The following DZIP1L variants were observed in gnomAD, a reference collection of about 807,000 sequenced individuals.
DZIP1L encodes DAZ interacting zinc finger protein 1 like, also known as cilium assembly protein DZIP1L.
DZIP1L carries 90 observed loss-of-function variants against 88.7 expected under a neutral mutation model. The observed-to-expected ratio is 1.02, with a 90% CI of 0.86 to 1.21. The LOEUF is 1.21. DZIP1L is among the 50% of genes most tolerant of loss of function. The probability of loss-of-function intolerance (pLI) is 0.00; values close to 1 mark genes in which losing one functional copy is unlikely to be tolerated. For synonymous variants in DZIP1L, 363 were observed against 372.1 expected, an observed-to-expected ratio of 0.98 and a Z score of 0.28; for missense variants, 932 against 955.8, an observed-to-expected ratio of 0.98 and a Z score of 0.33.
chr3:138,064,504 A>G (rs935430888), intron 15 of DZIP1L, 124 bp downstream of exon 15: 3 of 1,612,264 alleles, frequency 1.9e-6, no homozygotes, highest in Admixed American at 3.3e-5. Flanking sequence ...GTCACCCACA[A>G]TGTCCCACTA....
At chr3:138,100,253 C>T (rs1220198946) in intron 2 of DZIP1L, among the ~76,000 whole-genome samples, 1 of 152,132 alleles carries the variant, frequency 6.6e-6, no homozygotes, top group Non-Finnish European at 1.5e-5. Flanking sequence ...TTATAAAACC[C>T]CTAAATGATG....
At chr3:138,102,749 C>T (rs2042360100) in intron 2 of DZIP1L, 1 of 784,494 alleles carries the variant, frequency 1.3e-6, no homozygotes, top group Non-Finnish European at 2.3e-6. Flanking sequence ...ATGCCACTGG[C>T]CCCACCATAG....
Position 138,079,635 on chromosome 3 carries a change from C to T in DZIP1L, c.1288+932G>A, listed in dbSNP as rs186581248. 2.8e-4 allele frequency among the ~76,000 whole-genome samples: 43 copies of T among 152,312 alleles called. 1 individual carries two copies. The highest frequency in any genetic ancestry group is 2.5e-3 in the Admixed American group (39 of 15,306). ...GGAACGATAAATGAGAAACCATTAA[C>T]AGTGAAACTTCTGGAGAGGAAACTG... On this transcript the variant is annotated intron_variant, in intron 10 of 15. Transcript: ENST00000327532.
chr3:138,080,391 T>C, intron 10 of DZIP1L, 176 bp downstream of exon 10: 1 of 582,888 alleles, frequency 1.7e-6, no homozygotes, highest in Non-Finnish European at 3.0e-6. Context: ...TGTTAGTACC[T>C]GCATGTCACA....
chr3:138,074,810 T>C (rs1943330902), intron 11 of DZIP1L, among the ~76,000 whole-genome samples: 1 of 150,518 alleles, frequency 6.6e-6, no homozygotes, highest in Non-Finnish European at 1.5e-5. Context: ...AATACTAACA[T>C]TGAATGTAAA....
intron 11 of DZIP1L, among the ~76,000 whole-genome samples, chr3:138,076,264 A>C (rs1943402619): frequency 6.6e-6 from 1 of 152,190 alleles, no homozygotes; most frequent in Admixed American, 6.5e-5. Context: ...AAAAATTAAT[A>C]GACGTTGACA....
At chr3:138,073,585 T>C (rs1321309314) in intron 11 of DZIP1L, among the ~76,000 whole-genome samples, 5 of 152,164 alleles carry the variant, frequency 3.3e-5, no homozygotes, top group Non-Finnish European at 7.3e-5. Flanking sequence ...ATCCCAGATC[T>C]TCCCTCTAAC....
intron 15 of DZIP1L, among the ~76,000 whole-genome samples, chr3:138,064,130 G>A (rs1175548746): frequency 6.6e-6 from 1 of 152,182 alleles, no homozygotes; most frequent in East Asian, 1.9e-4. Flanking sequence ...AGGAGGCTCA[G>A]GTTTCTAAAA....
chr3:138,077,638 G>C lies in DZIP1L; in HGVS notation c.1289-6C>G. The C allele has an allele frequency of 1.2e-6, 2 of 1,613,920 alleles. No homozygotes were observed. The highest frequency in any genetic ancestry group is 1.3e-5 in the African/African-American group (1 of 75,022). ...ATCCTGGGAGTCCTCCATCTCTGTA[G>C]CATGAGACATTCACCCAGATCAGCC... On this transcript the variant is annotated splice_polypyrimidine_tract_variant and splice_region_variant and intron_variant, in intron 10 of 15. Transcript: ENST00000327532.
Position 138,103,704 on chromosome 3 carries a change from C to G in DZIP1L, c.268G>C (p.Ala90Pro), listed in dbSNP as rs939727927. Residue 90 changes from alanine to proline, a missense_variant, in exon 2 of 16, where the codon GCG (alanine) becomes CCG (proline). Physicochemically the swap from Ala to Pro is conservative, Grantham distance 27 (BLOSUM62 -1). Coordinates refer to ENST00000327532, the MANE Select transcript of DZIP1L (RefSeq NM_173543.3). ...DPALLKVLRL[A>P]QLIIEYLLHC... ...AGCAGGTACTCAATGATGAGCTGCGCCAGGCGCAGCACCTTGAGCAGTGCC... is the reference window on the plus strand; with the variant it reads ...AGCAGGTACTCAATGATGAGCTGCGGCAGGCGCAGCACCTTGAGCAGTGCC... 3 of 1,612,848 alleles carry G rather than the reference C, an allele frequency of 1.9e-6. No homozygotes were observed. Among genetic ancestry groups the G allele is most frequent in the Non-Finnish European group, 2.5e-6 (3 of 1,179,990 alleles).
At position 138,102,137 on chromosome 3, in the gene DZIP1L, G is replaced by A. The variant is rs541614628; in HGVS notation, c.501+1334C>T. Reference sequence around the variant, plus strand: ...CCTTGTACTGTGCCTTGACCTCAGCGATGATGCTGTCCATGTCCAGGGAGT... The same window carrying A: ...CCTTGTACTGTGCCTTGACCTCAGCAATGATGCTGTCCATGTCCAGGGAGT... On this transcript the variant is annotated intron_variant, in intron 2 of 15. Transcript: ENST00000327532. The A allele has an allele frequency of 1.0e-5, 14 of 1,392,332 alleles. No homozygotes were observed. The African/African-American group carries it at 1.1e-4, about 11-fold the overall frequency. 86.2% of individuals were successfully genotyped at this position (1,392,332 alleles called of 1,614,324 possible).
At chr3:138,068,450 A>G in intron 12 of DZIP1L, 83 bp from the exon 13 acceptor site, 6 of 1,052,314 alleles carry the variant, frequency 5.7e-6, no homozygotes, top group Non-Finnish European at 6.6e-6. Flanking sequence ...TGGCTCCAAC[A>G]CCCTGGAAAT....
intron 2 of DZIP1L, chr3:138,102,585 G>A (rs910263769): frequency 6.8e-7 from 1 of 1,460,186 alleles, no homozygotes; most frequent in Non-Finnish European, 9.6e-7. Flanking sequence ...GCTGCTCCAG[G>A]AACCATACCT....
intron 7 of DZIP1L, among the ~76,000 whole-genome samples, chr3:138,084,586 C>T (rs1012476307): frequency 6.6e-6 from 1 of 152,118 alleles, no homozygotes; most frequent in Non-Finnish European, 1.5e-5. Flanking sequence ...AGTTAACATG[C>T]TACTTCTGAT....
At chr3:138,080,371 G>A in intron 10 of DZIP1L, 196 bp downstream of exon 10, 1 of 508,548 alleles carries the variant, frequency 2.0e-6, no homozygotes, top group Non-Finnish European at 3.5e-6. Flanking sequence ...CACTAAACCA[G>A]CAGATTGTAT....
intron 7 of DZIP1L, among the ~76,000 whole-genome samples, chr3:138,084,577 G>A (rs1943835412): frequency 6.6e-6 from 1 of 152,178 alleles, no homozygotes; most frequent in Non-Finnish European, 1.5e-5. Context: ...AAGAAAACAA[G>A]TTAACATGCT....
chr3:138,069,064 G>C, intron 12 of DZIP1L: 1 of 1,160,336 alleles, frequency 8.6e-7, no homozygotes, highest in Non-Finnish European at 1.2e-6. Context: ...AAACAACGTG[G>C]GGTTGAACAG....
intron 4 of DZIP1L, among the ~76,000 whole-genome samples, chr3:138,094,655 G>A (rs1056309389): frequency 2.0e-5 from 3 of 152,192 alleles, no homozygotes; most frequent in Non-Finnish European, 2.9e-5. Context: ...CTCTACTTTC[G>A]TCCACATAAG....
At chr3:138,101,800 A>C in intron 2 of DZIP1L, 1 of 1,175,570 alleles carries the variant, frequency 8.5e-7, no homozygotes, top group Non-Finnish European at 1.3e-6. Context: ...CTTGACATTC[A>C]TCAGCTCCTG....
Sources: allele counts gnomAD v4.1 joint callset (sites outside exome capture counted in the v4.1 genomes callset), GRCh38; gene constraint gnomAD v4.1.1; transcripts MANE v1.5; gene names NCBI Gene and HGNC (gene_info 2026-07-23, HGNC 2026-07-21).